Variants in WWOX observed in about 807,000 individuals in gnomAD.
WWOX encodes the protein WW domain-containing oxidoreductase.
A neutral mutation model predicts 46.2 loss-of-function variants in WWOX; 69 were observed. That is an observed-to-expected ratio of 1.49 (90% CI 1.23 to 1.82). The LOEUF is 1.82. Ranked by LOEUF, WWOX falls within the 40% of genes most tolerant of loss-of-function variation. WWOX has a pLI of 0.00. For missense variants in WWOX, 919 were observed against 542.6 expected (o/e 1.69, Z -6.89); for synonymous variants, 359 against 202.6 (o/e 1.77, Z -6.56).
At chr16:78,247,265 C>T (rs2037843767) in intron 5 of WWOX, among the ~76,000 whole-genome samples, 1 of 152,114 alleles carries the variant, frequency 6.6e-6, no homozygotes, top group African/African-American at 2.4e-5. Flanking sequence ...TTGGAATCAC[C>T]AAGCATGGTG....
chr16:78,423,251 C>A (rs559492017), intron 6 of WWOX, among the ~76,000 whole-genome samples: 1 of 152,036 alleles, frequency 6.6e-6, no homozygotes, highest in Non-Finnish European at 1.5e-5. Flanking sequence ...CTGTGTGTGT[C>A]TGTGTCTGAT....
At chr16:78,784,132 C>T (rs1421140702) in intron 8 of WWOX, among the ~76,000 whole-genome samples, 3 of 152,134 alleles carry the variant, frequency 2.0e-5, no homozygotes, top group Non-Finnish European at 4.4e-5. Flanking sequence ...ACACCAAATT[C>T]TTATAACAAC....
At chr16:78,679,592 A>G (rs773766252) in intron 8 of WWOX, among the ~76,000 whole-genome samples, 1 of 152,142 alleles carries the variant, frequency 6.6e-6, no homozygotes, top group Non-Finnish European at 1.5e-5. Flanking sequence ...TAATACAGAC[A>G]CAGGCTTTTC....
intron 8 of WWOX, among the ~76,000 whole-genome samples, chr16:78,480,711 G>GTA (rs747710318): frequency 2.6e-5 from 4 of 152,240 alleles, no homozygotes; most frequent in Non-Finnish European, 5.9e-5. Context: ...ATTGTGTGCA[G>GTA]TATGCAGTAC....
chr16:78,621,994 C>T (rs1009921266), intron 8 of WWOX, among the ~76,000 whole-genome samples: 5 of 152,084 alleles, frequency 3.3e-5, no homozygotes, highest in African/African-American at 1.2e-4. Flanking sequence ...CCTGGATGTC[C>T]AATGTCATTC....
intron 8 of WWOX, among the ~76,000 whole-genome samples, chr16:78,961,033 G>T (rs755752209): frequency 1.3e-5 from 2 of 152,098 alleles, no homozygotes; most frequent in African/African-American, 4.8e-5. Flanking sequence ...AAAGTAATCA[G>T]CTCCATACAT....
chr16:78,894,135 C>T (rs1479013450), intron 8 of WWOX, among the ~76,000 whole-genome samples: 1 of 151,610 alleles, frequency 6.6e-6, no homozygotes, highest in Non-Finnish European at 1.5e-5. Flanking sequence ...ACCTCCTGGG[C>T]TCAAGCAATC....
In WWOX at chr16:78,432,735, C is replaced by CCTTT; in HGVS notation, c.1041_1044dup (p.Thr349PhefsTer181). The CCTTT allele has an allele frequency of 6.2e-7, 1 of 1,614,174 alleles. No individual in the cohort carries two copies. Among genetic ancestry groups the CCTTT allele is most frequent in the Non-Finnish European group, 8.5e-7 (1 of 1,180,030 alleles). ...CACACTGCTGTTTACCTTGGCGAGG[C>CCTTT]CTTTCACCAAGTCCATGGTAAGAGA... On this transcript the variant is annotated frameshift_variant, in exon 8 of 9. Coordinates refer to ENST00000566780, the MANE Select transcript of WWOX (RefSeq NM_016373.4). LOFTEE classifies it high-confidence loss of function.
At position 78,955,047 on chromosome 16, in the gene WWOX, C is replaced by T. The variant is rs540507941; in HGVS notation, c.1057-256561C>T. On this transcript the variant is annotated intron_variant, in intron 8 of 8. Transcript: ENST00000566780. ...TCAAGTGATCCTTCTGCATTGTCCC[C>T]CACAAAGTATTGGGAATGTATTCTT... Among the ~76,000 whole-genome samples, 3 of 152,268 alleles carry T rather than the reference C, an allele frequency of 2.0e-5. No individual in the cohort carries two copies. In the East Asian group the frequency reaches 5.8e-4, roughly 29 times the overall value.
At chr16:78,748,187 C>T (rs1316136059) in intron 8 of WWOX, among the ~76,000 whole-genome samples, 2 of 152,164 alleles carry the variant, frequency 1.3e-5, no homozygotes, top group Non-Finnish European at 2.9e-5. Flanking sequence ...CAAAGGTGAA[C>T]AGGCACCAAA....
intron 8 of WWOX, among the ~76,000 whole-genome samples, chr16:78,656,092 G>A (rs968418386): frequency 1.3e-5 from 2 of 152,198 alleles, no homozygotes; most frequent in Admixed American, 1.3e-4. Context: ...CTTCAGTACA[G>A]TATGGGATGG....
At chr16:79,125,648 A>G (rs566077800) in intron 8 of WWOX, among the ~76,000 whole-genome samples, 285 of 152,264 alleles carry the variant, frequency 1.9e-3, no homozygotes, top group African/African-American at 6.6e-3. Flanking sequence ...TCTGGGCCAT[A>G]ACTCTAGAGC....
chr16:78,660,705 C>A (rs1427469944), intron 8 of WWOX, among the ~76,000 whole-genome samples: 1 of 152,152 alleles, frequency 6.6e-6, no homozygotes, highest in Non-Finnish European at 1.5e-5. Context: ...TTCTTTCATT[C>A]CCAGACCTCT....
At chr16:78,921,296 A>G (rs1214168083) in intron 8 of WWOX, among the ~76,000 whole-genome samples, 2 of 152,204 alleles carry the variant, frequency 1.3e-5, no homozygotes, top group South Asian at 2.1e-4. Context: ...TTATTTTGCC[A>G]TTACTTTTCA....
At chr16:78,496,046 A>G (rs1165832213) in intron 8 of WWOX, 1 of 152,156 alleles carries the variant, frequency 6.6e-6, no homozygotes. Context: ...TTTGCTTTAG[A>G]ATTTTTGGAT....
intron 8 of WWOX, among the ~76,000 whole-genome samples, chr16:78,934,278 C>G (rs553034161): frequency 2.0e-5 from 3 of 148,226 alleles, no homozygotes; most frequent in South Asian, 4.3e-4. Flanking sequence ...GCGGATCTTG[C>G]AGTGAGCCGA....
intron 8 of WWOX, among the ~76,000 whole-genome samples, chr16:79,025,800 C>CTTTTT (rs1567495625): frequency 3.2e-5 from 1 of 31,508 alleles, no homozygotes; most frequent in Admixed American, 4.4e-4. Context: ...GCTTTGCTTG[C>CTTTTT]TTGCTTTTTT....
At chr16:79,079,414 A>T (rs2048720024) in intron 8 of WWOX, among the ~76,000 whole-genome samples, 1 of 151,986 alleles carries the variant, frequency 6.6e-6, no homozygotes. Context: ...GTATCCATTC[A>T]TCCATCCATC....
Position 78,406,309 on chromosome 16 carries a change from T to TATAA in WWOX, c.606-18558_606-18557insAATA, listed in dbSNP as rs2082535254. ...ATTACAGCATATAAATATAAATATA[T>TATAA]ATATATATATATATATATATATATA... On this transcript the variant is annotated intron_variant, in intron 6 of 8. Transcript: ENST00000566780. Among the ~76,000 whole-genome samples the TATAA allele has an allele frequency of 6.0e-4, 15 of 24,890 alleles. No homozygotes were observed. The East Asian group carries it at 8.4e-3, about 14-fold the overall frequency. 16.3% of individuals were successfully genotyped at this position (24,890 alleles called of 152,430 possible). A position where few individuals can be genotyped will look rare whatever the true frequency, so the allele number is the denominator to read the frequency against.
Sources: allele counts gnomAD v4.1 joint callset (sites outside exome capture counted in the v4.1 genomes callset), GRCh38; gene constraint gnomAD v4.1.1; transcripts MANE v1.5; gene names NCBI Gene and HGNC (gene_info 2026-07-23, HGNC 2026-07-21).